The following PRDM16 variants were observed in gnomAD, a reference collection of about 807,000 sequenced individuals.
The protein encoded by PRDM16 is PR/SET domain 16.
A neutral mutation model predicts 110.6 loss-of-function variants in PRDM16; 23 were observed. The observed-to-expected ratio is 0.21, with a 90% CI of 0.15 to 0.29. The LOEUF is 0.29. Ranked by LOEUF, PRDM16 falls within the 10% of genes least tolerant of loss-of-function variation. PRDM16 has a pLI of 1.00. For missense variants in PRDM16, 1,615 were observed against 1,794.3 expected (o/e 0.90, Z 1.81); for synonymous variants, 799 against 781.8 (o/e 1.02, Z -0.37).
intron 3 of PRDM16, among the ~76,000 whole-genome samples, chr1:3,331,260 G>GC (rs1429112081): frequency 1.3e-5 from 2 of 151,974 alleles, no homozygotes; most frequent in African/African-American, 4.8e-5. Context: ...TGCCAGCCTG[G>GC]GGGGGGCGCA....
chr1:3,118,978 A>G (rs1643030253), intron 1 of PRDM16, among the ~76,000 whole-genome samples: 1 of 152,124 alleles, frequency 6.6e-6, no homozygotes, highest in South Asian at 2.1e-4. Context: ...GAGGAGCGAG[A>G]CCCTGGCCCA....
rs557942427 is a variant in PRDM16, at chr1:3,170,120, C to T, written c.38-16005C>T. 8.5e-5 allele frequency among the ~76,000 whole-genome samples: 13 copies of T among 152,232 alleles called. No individual in the cohort carries two copies. In the South Asian group the frequency reaches 2.7e-3, roughly 32 times the overall value. The stretch of plus-strand genomic sequence containing the variant: ...CTAAATGAATCTGAGGGCAGCTGAG[C>T]GCGGACGGGCTGGGAAGGGTTAAGT... On this transcript the variant is annotated intron_variant, in intron 1 of 16. Coordinates refer to ENST00000270722, the MANE Select transcript of PRDM16 (RefSeq NM_022114.4).
At chr1:3,171,992 G>A (rs1268850603) in intron 1 of PRDM16, among the ~76,000 whole-genome samples, 1 of 152,192 alleles carries the variant, frequency 6.6e-6, no homozygotes, top group Non-Finnish European at 1.5e-5. Flanking sequence ...CGGTGCTGAA[G>A]GAGCATCCCT....
chr1:3,332,553 A>ATTTTT (rs911613112), intron 3 of PRDM16, among the ~76,000 whole-genome samples: 1 of 148,016 alleles, frequency 6.8e-6, no homozygotes, highest in Non-Finnish European at 1.5e-5. Flanking sequence ...TCAAGGGTTG[A>ATTTTT]TTTTTTTTTT....
chr1:3,186,903 C>G (rs1644275546), intron 2 of PRDM16, among the ~76,000 whole-genome samples: 1 of 152,184 alleles, frequency 6.6e-6, no homozygotes, highest in Non-Finnish European at 1.5e-5. Context: ...GCCACGCTGC[C>G]CCGGCTGCCG....
chr1:3,205,471 G>A (rs1638733399), intron 2 of PRDM16, among the ~76,000 whole-genome samples: 1 of 152,150 alleles, frequency 6.6e-6, no homozygotes, highest in Non-Finnish European at 1.5e-5. Context: ...AGAAACCCAT[G>A]AAATACAGAA....
rs147140938 is a variant in PRDM16, at chr1:3,255,842, G to A, written c.438+11705G>A. On this transcript the variant is annotated intron_variant, in intron 3 of 16. Coordinates refer to ENST00000270722, the MANE Select transcript of PRDM16 (RefSeq NM_022114.4). The surrounding 1 kb of genome is among the most constrained non-coding windows in gnomAD (Gnocchi z 4.7). ...GTCACTTGTGCCCAAAGCCAATCCCGTGGCCGCACCGACACCCGAAGCCAA... is the reference window on the plus strand; with the variant it reads ...GTCACTTGTGCCCAAAGCCAATCCCATGGCCGCACCGACACCCGAAGCCAA... Among the ~76,000 whole-genome samples, 89 of 152,058 alleles carry A rather than the reference G, an allele frequency of 5.9e-4. No homozygotes were observed. Among genetic ancestry groups the A allele is most frequent in the African/African-American group, 1.9e-3 (79 of 41,420 alleles).
At chr1:3,333,757 T>G (rs567695934) in intron 3 of PRDM16, among the ~76,000 whole-genome samples, 1 of 152,224 alleles carries the variant, frequency 6.6e-6, no homozygotes, top group East Asian at 1.9e-4. Flanking sequence ...CATGGAAGGT[T>G]TGGCTCCATC....
At chr1:3,292,218 A>G (rs1162243321) in intron 3 of PRDM16, among the ~76,000 whole-genome samples, 2 of 152,068 alleles carry the variant, frequency 1.3e-5, no homozygotes, top group Non-Finnish European at 2.9e-5. Flanking sequence ...GCCAGGAGGA[A>G]CCTGCCGTGG....
At position 3,265,148 on chromosome 1, in the gene PRDM16, G is replaced by A. The variant is rs758038105; in HGVS notation, c.438+21011G>A. On this transcript the variant is annotated intron_variant, in intron 3 of 16. Transcript: ENST00000270722. The surrounding 1 kb of genome is among the most constrained non-coding windows in gnomAD (Gnocchi z 4.5). ...TGGTGCCACCTATTGAGGCCGAGGC[G>A]AGCGGGCTGTTAGGACTGGGACTGA... is the stretch of plus-strand genomic sequence containing the variant. 1.3e-5 allele frequency among the ~76,000 whole-genome samples: 2 copies of A among 152,134 alleles called. No individual in the cohort carries two copies. The highest frequency in any genetic ancestry group is 2.4e-5 in the African/African-American group (1 of 41,412).
chr1:3,377,948 C>T (rs965858124), intron 3 of PRDM16, among the ~76,000 whole-genome samples: 12 of 152,194 alleles, frequency 7.9e-5, no homozygotes, highest in East Asian at 1.9e-4. Flanking sequence ...AGGCCTGCCC[C>T]GAGAGACTCC....
chr1:3,279,792 C>CG (rs142222648), intron 3 of PRDM16, among the ~76,000 whole-genome samples: 12 of 151,680 alleles, frequency 7.9e-5, no homozygotes, highest in African/African-American at 2.4e-4. Flanking sequence ...CCAGAGCCTG[C>CG]GGGGGGGTGG....
intron 2 of PRDM16, among the ~76,000 whole-genome samples, chr1:3,223,904 G>T (rs1313767246): frequency 6.6e-6 from 1 of 152,174 alleles, no homozygotes; most frequent in Non-Finnish European, 1.5e-5. Flanking sequence ...GATGAACGAG[G>T]AAGACAGTTT....
chr1:3,349,852 G>A (rs1316324), intron 3 of PRDM16, among the ~76,000 whole-genome samples: 3,832 of 152,264 alleles, frequency 0.025, 77 homozygotes, highest in Middle Eastern at 0.068. Context: ...CTCAGCCTCC[G>A]CAGCCCCCGC....
intron 2 of PRDM16, among the ~76,000 whole-genome samples, chr1:3,197,046 G>T (rs1326934547): frequency 6.6e-6 from 1 of 152,130 alleles, no homozygotes; most frequent in Non-Finnish European, 1.5e-5. Context: ...TCCTGTCCCC[G>T]GCCACAGCTG....
intron 2 of PRDM16, among the ~76,000 whole-genome samples, chr1:3,238,347 G>A (rs980554972): frequency 7.9e-5 from 12 of 152,164 alleles, no homozygotes; most frequent in African/African-American, 2.9e-4. Flanking sequence ...GTACTTGACT[G>A]TGTAAATATT....
At chr1:3,082,214 C>T (rs554342121) in intron 1 of PRDM16, among the ~76,000 whole-genome samples, 2 of 152,328 alleles carry the variant, frequency 1.3e-5, no homozygotes, top group South Asian at 4.1e-4. Context: ...CGGCCAGGCC[C>T]TCTGCAGTCA....
chr1:3,308,617 G>A (rs547185171), intron 3 of PRDM16: 9 of 152,216 alleles, frequency 5.9e-5, no homozygotes, highest in African/African-American at 1.2e-4. Flanking sequence ...GCGTTTCCTC[G>A]TGCCTGGTTT....
At chr1:3,289,827 G>A (rs1057086149) in intron 3 of PRDM16, among the ~76,000 whole-genome samples, 2 of 151,990 alleles carry the variant, frequency 1.3e-5, no homozygotes, top group East Asian at 1.9e-4. Flanking sequence ...CCGGGGCCCC[G>A]CTCCCACCCA....
Sources: gnomAD v4.1 joint callset for allele counts (sites outside exome capture counted in the v4.1 genomes callset) on GRCh38, gnomAD v4.1.1 for gene constraint, Gnocchi (gnomAD v3.1) non-coding constraint, MANE v1.5 for transcripts, NCBI Gene and HGNC (gene_info 2026-07-23, HGNC 2026-07-21) for gene names.